Variants in NIBAN1 observed in about 807,000 individuals in gnomAD.
NIBAN1 encodes the protein protein Niban 1.
A neutral mutation model predicts 75.1 loss-of-function variants in NIBAN1; 81 were observed. The ratio of observed to expected loss-of-function variants is 1.08; its 90% CI spans 0.90 to 1.30. NIBAN1 has a LOEUF of 1.30. Ranked by LOEUF, NIBAN1 falls within the 50% of genes most tolerant of loss-of-function variation. The pLI, the probability that NIBAN1 is intolerant of heterozygous loss-of-function variation, is 0.00. For missense variants in NIBAN1, 1,133 were observed against 1,128.1 expected, an observed-to-expected ratio of 1.00 and a Z score of -0.06; for synonymous variants, 436 against 424.8, an observed-to-expected ratio of 1.03 and a Z score of -0.32.
At chr1:184,830,860 A>T (rs965773367) in intron 6 of NIBAN1, among the ~76,000 whole-genome samples, 5 of 151,902 alleles carry the variant, frequency 3.3e-5, no homozygotes, top group Admixed American at 3.3e-4. Flanking sequence ...AGTTAGCAGG[A>T]GTGGTGGCAT....
chr1:184,844,322 C>A (rs1448027794), intron 5 of NIBAN1, among the ~76,000 whole-genome samples: 1 of 152,240 alleles, frequency 6.6e-6, no homozygotes, highest in African/African-American at 2.4e-5. Flanking sequence ...ATTGGCATCA[C>A]TCATCATGTC....
At chr1:184,956,426 C>A (rs188727701) in intron 1 of NIBAN1, among the ~76,000 whole-genome samples, 1 of 152,168 alleles carries the variant, frequency 6.6e-6, no homozygotes, top group African/African-American at 2.4e-5. Flanking sequence ...TAACCTTCAA[C>A]TCAAATTCAG....
At chr1:184,918,187 C>T (rs994830285) in intron 1 of NIBAN1, among the ~76,000 whole-genome samples, 7 of 152,196 alleles carry the variant, frequency 4.6e-5, no homozygotes, top group African/African-American at 1.7e-4. Flanking sequence ...TTTGGATCTC[C>T]TCCTCTAGGT....
At chr1:184,829,117 T>C (rs1654925481) in intron 6 of NIBAN1, among the ~76,000 whole-genome samples, 1 of 152,172 alleles carries the variant, frequency 6.6e-6, no homozygotes. Flanking sequence ...AACTTCTTAG[T>C]GGGACACTTG....
intron 5 of NIBAN1, among the ~76,000 whole-genome samples, chr1:184,842,347 G>A (rs1321152641): frequency 6.6e-6 from 1 of 152,182 alleles, no homozygotes. Context: ...CAGGGCCCAA[G>A]AATTTGCATT....
At chr1:184,860,276 GC>G (rs1220546301) in intron 5 of NIBAN1, among the ~76,000 whole-genome samples, 2 of 151,080 alleles carry the variant, frequency 1.3e-5, no homozygotes, top group Non-Finnish European at 2.9e-5. Context: ...TGCGGCGGGG[GC>G]GGGGGGCCAG....
intron 5 of NIBAN1, among the ~76,000 whole-genome samples, chr1:184,875,590 A>G (rs1001353922): frequency 6.6e-6 from 1 of 152,204 alleles, no homozygotes; most frequent in Non-Finnish European, 1.5e-5. Flanking sequence ...CTTGAAAGTC[A>G]CATACCATCA....
At position 184,827,560 on chromosome 1, in the gene NIBAN1, G is replaced by GT. The variant is rs58483276; in HGVS notation, c.718-3819dup. ...ACATAAGTGACCTAAAAATACTTCA[G>GT]TTTTTTTTTTTTTTAATGGGGGGTG... On this transcript the variant is annotated intron_variant, in intron 6 of 13. Transcript: ENST00000367511. Among the ~76,000 whole-genome samples the GT allele has an allele frequency of 5.3e-3, 625 of 117,636 alleles. 12 individuals are homozygous for GT. Among genetic ancestry groups the GT allele is most frequent in the East Asian group, 0.045 (203 of 4,558 alleles). 77.2% of individuals were successfully genotyped at this position (117,636 alleles called of 152,430 possible).
chr1:184,822,374 G>A (rs951100415), intron 8 of NIBAN1, among the ~76,000 whole-genome samples: 3 of 152,200 alleles, frequency 2.0e-5, no homozygotes, highest in Non-Finnish European at 2.9e-5. Context: ...GTAAATATTT[G>A]TGCCTTTGTG....
intron 5 of NIBAN1, among the ~76,000 whole-genome samples, chr1:184,856,901 A>G (rs921886603): frequency 2.0e-5 from 3 of 152,176 alleles, no homozygotes; most frequent in Admixed American, 6.5e-5. Context: ...GGTTTGGAAT[A>G]TGGATGTTTT....
In NIBAN1 at chr1:184,792,472, A is replaced by G. The variant is rs1319171007; in HGVS notation, c.*2505T>C. On this transcript the variant is annotated 3_prime_UTR_variant, in exon 14 of 14. Transcript: ENST00000367511. The stretch of plus-strand genomic sequence containing the variant: ...CATTGAGCAAAGAAAGGAAGCTAGG[A>G]AGCTCCGGTGTGAGGTCAGCCTGGG... The G allele has an allele frequency of 6.5e-6, 1 of 152,736 alleles. No individual in the cohort carries two copies. The highest frequency in any genetic ancestry group is 2.4e-5 in the African/African-American group (1 of 41,460). 9.5% of individuals were successfully genotyped at this position (152,736 alleles called of 1,614,324 possible).
chr1:184,824,125 G>A (rs1406931251), intron 6 of NIBAN1, among the ~76,000 whole-genome samples: 1 of 152,154 alleles, frequency 6.6e-6, no homozygotes, highest in African/African-American at 2.4e-5. Context: ...GCAAGGCTTG[G>A]TTTTGGTGGC....
chr1:184,801,829 T>G (rs2102186557), intron 12 of NIBAN1, among the ~76,000 whole-genome samples: 1 of 152,360 alleles, frequency 6.6e-6, no homozygotes, highest in African/African-American at 2.4e-5. Flanking sequence ...TAAATAATTC[T>G]GTGGGAAGGA....
rs1041392066 is a variant in NIBAN1, at chr1:184,793,429, G to A, written c.*1548C>T. ...AAATTAGCCGGGAATGGTGCCGCAT[G>A]GCTGTAATTCCAGCTACTTGGGACG... On this transcript the variant is annotated 3_prime_UTR_variant, in exon 14 of 14. Transcript: ENST00000367511. The A allele has an allele frequency of 2.0e-5, 3 of 152,118 alleles. No homozygotes were observed. The highest frequency in any genetic ancestry group is 4.4e-5 in the Non-Finnish European group (3 of 68,050). The allele number at this position is 152,118 out of a possible 1,614,324, so 9.4% of individuals were successfully genotyped here.
chr1:184,893,605 C>T (rs1252570921), intron 3 of NIBAN1, among the ~76,000 whole-genome samples: 2 of 152,154 alleles, frequency 1.3e-5, no homozygotes, highest in African/African-American at 2.4e-5. Flanking sequence ...AATTTAATAG[C>T]AACCTATGAA....
chr1:184,960,623 A>ATGTTGTTGTTGTTGTTGTTGT lies in NIBAN1; in HGVS notation c.55+13658_55+13678dup, dbSNP rs59022150. Among the ~76,000 whole-genome samples the ATGTTGTTGTTGTTGTTGTTGT allele has an allele frequency of 9.6e-4, 144 of 150,224 alleles. No individual in the cohort carries two copies. In the South Asian group the frequency reaches 9.9e-3, roughly 10 times the overall value. On this transcript the variant is annotated intron_variant, in intron 1 of 13. Coordinates refer to ENST00000367511, the MANE Select transcript of NIBAN1 (RefSeq NM_052966.4). ...AGACAACACCAACAACAACAACAAA[A>ATGTTGTTGTTGTTGTTGTTGT]TGTTGTTGTTGTTGTTGTTGTTGAG...
intron 6 of NIBAN1, among the ~76,000 whole-genome samples, chr1:184,826,561 C>T (rs1654846906): frequency 6.6e-6 from 1 of 152,070 alleles, no homozygotes; most frequent in Non-Finnish European, 1.5e-5. Context: ...GAGACCAATG[C>T]CAGAATTTAA....
intron 1 of NIBAN1, among the ~76,000 whole-genome samples, chr1:184,933,809 C>T (rs1657885540): frequency 1.3e-5 from 2 of 152,196 alleles, no homozygotes; most frequent in Admixed American, 1.3e-4. Flanking sequence ...TCAACACTCG[C>T]TATAGAAATG....
intron 1 of NIBAN1, among the ~76,000 whole-genome samples, chr1:184,946,342 C>T (rs779118758): frequency 6.6e-6 from 1 of 152,144 alleles, no homozygotes; most frequent in Non-Finnish European, 1.5e-5. Context: ...TTAAAGTGAG[C>T]CTTGAGATGC....
Sources: allele counts gnomAD v4.1 joint callset (sites outside exome capture counted in the v4.1 genomes callset), GRCh38; gene constraint gnomAD v4.1.1; transcripts MANE v1.5; gene names NCBI Gene and HGNC (gene_info 2026-07-23, HGNC 2026-07-21).